Variants in FSTL5 observed in about 807,000 individuals in gnomAD.
The protein encoded by FSTL5 is follistatin-related protein 5.
In FSTL5, 62 loss-of-function variants were observed where a neutral mutation model predicts 89.1. That is an observed-to-expected ratio of 0.70 (90% confidence interval 0.57 to 0.86). FSTL5 has a LOEUF of 0.86. Ranked by LOEUF, FSTL5 falls within the 40% of genes least tolerant of loss-of-function variation. FSTL5 has a pLI of 0.00. For synonymous variants in FSTL5, 383 were observed against 346.2 expected (o/e 1.11, Z -1.18); for missense variants, 1,057 against 1,001.6 (o/e 1.06, Z -0.75).
At chr4:161,900,040 A>T (rs1733301973) in intron 4 of FSTL5, among the ~76,000 whole-genome samples, 1 of 152,028 alleles carries the variant, frequency 6.6e-6, no homozygotes, top group Admixed American at 6.6e-5. Flanking sequence ...CTAAAAATAC[A>T]AAAATTAGCC....
At position 161,481,137 on chromosome 4, in the gene FSTL5, T is replaced by C; in HGVS notation, c.1491A>G (p.Glu497=). ...DEVCPKAEGD[E]VQRCVWASAV... is the part of the protein sequence containing the mutation. ...CTGATGCCCACACACACCTCTGAAC[T>C]TCATCTCCCTCAGCTTTGGGACAGA... Residue 497 remains glutamate, a synonymous_variant, in exon 13 of 16, where the codon GAA becomes GAG. Coordinates refer to ENST00000306100, the MANE Select transcript of FSTL5 (RefSeq NM_020116.5). 1 of 1,610,448 alleles carries C rather than the reference T, an allele frequency of 6.2e-7. No individual in the cohort carries two copies. Among genetic ancestry groups the C allele is most frequent in the South Asian group, 1.1e-5 (1 of 90,290 alleles).
rs1193102072 is a variant in FSTL5 at position 161,755,317 on chromosome 4, G to T, written c.727+4094C>A. ...CTTATCTAATCCACAAAGAAAAAAGGTATTTTTGAAAAACACATTATGTCT... is the reference window on the plus strand; with the variant it reads ...CTTATCTAATCCACAAAGAAAAAAGTTATTTTTGAAAAACACATTATGTCT... On this transcript the variant is annotated intron_variant, in intron 6 of 15. Transcript: ENST00000306100. Among the ~76,000 whole-genome samples the T allele has an allele frequency of 2.0e-5, 3 of 151,890 alleles. No individual in the cohort carries two copies. In the East Asian group the frequency reaches 5.8e-4, roughly 29 times the overall value.
At chr4:161,470,512 C>G (rs1015744068) in intron 13 of FSTL5, among the ~76,000 whole-genome samples, 3 of 151,926 alleles carry the variant, frequency 2.0e-5, no homozygotes, top group Non-Finnish European at 4.4e-5. Flanking sequence ...AGTTTTGACA[C>G]AAGAAAATGA....
At chr4:161,857,306 G>A (rs887168609) in intron 4 of FSTL5, among the ~76,000 whole-genome samples, 3 of 152,160 alleles carry the variant, frequency 2.0e-5, no homozygotes, top group Admixed American at 6.5e-5. Flanking sequence ...CAGATTGCAC[G>A]TGAAATAGAA....
intron 7 of FSTL5, among the ~76,000 whole-genome samples, chr4:161,621,267 TACAC>T (rs146037793): frequency 0.3 from 43,805 of 145,962 alleles, 7,423 homozygotes; most frequent in Non-Finnish European, 0.39. Flanking sequence ...ATGTAAAGAC[TACAC>T]ACACACACAC....
intron 15 of FSTL5, among the ~76,000 whole-genome samples, chr4:161,427,759 A>G (rs946150712): frequency 2.0e-5 from 3 of 152,232 alleles, no homozygotes; most frequent in Non-Finnish European, 2.9e-5. Context: ...CATATTATGA[A>G]TGTGACAAAT....
chr4:161,951,410 A>T (rs1040931535), intron 3 of FSTL5, among the ~76,000 whole-genome samples: 5 of 152,098 alleles, frequency 3.3e-5, no homozygotes, highest in Non-Finnish European at 5.9e-5. Context: ...TTCTCTACTA[A>T]AAAATGTTTG....
intron 7 of FSTL5, among the ~76,000 whole-genome samples, chr4:161,631,989 T>C (rs886130377): frequency 6.6e-6 from 1 of 152,212 alleles, no homozygotes; most frequent in African/African-American, 2.4e-5. Flanking sequence ...ATTTGGTTCA[T>C]GTAAAATTTA....
intron 7 of FSTL5, among the ~76,000 whole-genome samples, chr4:161,631,197 A>G (rs778467954): frequency 6.6e-6 from 1 of 152,220 alleles, no homozygotes; most frequent in Non-Finnish European, 1.5e-5. Context: ...TACCTTCATA[A>G]CAAAGTCCCT....
At chr4:161,646,946 T>C (rs990192440) in intron 7 of FSTL5, among the ~76,000 whole-genome samples, 6 of 152,190 alleles carry the variant, frequency 3.9e-5, no homozygotes, top group Non-Finnish European at 8.8e-5. Flanking sequence ...TCTACTTCCA[T>C]ACATTGCCTC....
chr4:161,643,812 C>T (rs955154350), intron 7 of FSTL5, among the ~76,000 whole-genome samples: 14 of 152,108 alleles, frequency 9.2e-5, no homozygotes, highest in African/African-American at 3.4e-4. Flanking sequence ...GATAATTCTG[C>T]ATGTGGCTAC....
chr4:162,124,312 T>C (rs1046290306), intron 1 of FSTL5, among the ~76,000 whole-genome samples: 8 of 152,158 alleles, frequency 5.3e-5, no homozygotes, highest in East Asian at 1.9e-4. Context: ...AATTTAGTAG[T>C]ATCATCCAAC....
intron 7 of FSTL5, among the ~76,000 whole-genome samples, chr4:161,621,489 C>T (rs921089999): frequency 5.3e-5 from 8 of 152,002 alleles, no homozygotes; most frequent in African/African-American, 1.2e-4. Flanking sequence ...GATCTCCTCT[C>T]AACAAAGTTT....
chr4:161,611,354 C>T (rs1311744252), intron 7 of FSTL5, among the ~76,000 whole-genome samples: 2 of 148,932 alleles, frequency 1.3e-5, no homozygotes, highest in Admixed American at 6.8e-5. Flanking sequence ...TCAAGAAAAT[C>T]GAGATATTTT....
intron 3 of FSTL5, among the ~76,000 whole-genome samples, chr4:161,926,158 T>C (rs894912735): frequency 1.3e-5 from 2 of 151,808 alleles, no homozygotes; most frequent in African/African-American, 4.8e-5. Context: ...TTGAGCACAG[T>C]ATAATCTTTT....
chr4:161,571,687 T>C (rs1454886061), intron 8 of FSTL5, among the ~76,000 whole-genome samples: 1 of 152,158 alleles, frequency 6.6e-6, no homozygotes, highest in Non-Finnish European at 1.5e-5. Flanking sequence ...GGATACAGTC[T>C]TCAGAAACAT....
At chr4:161,939,737 C>T (rs17041777) in intron 3 of FSTL5, among the ~76,000 whole-genome samples, 1,573 of 152,032 alleles carry the variant, frequency 0.01, 22 homozygotes, top group African/African-American at 0.035. Context: ...CAAGCACTAA[C>T]ATGAGGATAA....
At chr4:161,520,112 T>C (rs928661478) in intron 10 of FSTL5, among the ~76,000 whole-genome samples, 2 of 152,078 alleles carry the variant, frequency 1.3e-5, no homozygotes, top group Non-Finnish European at 2.9e-5. Context: ...CTCCTTATCA[T>C]TGCAGAGAAC....
intron 6 of FSTL5, among the ~76,000 whole-genome samples, chr4:161,686,204 C>T (rs1406942405): frequency 6.8e-6 from 1 of 147,540 alleles, no homozygotes; most frequent in Non-Finnish European, 1.5e-5. Context: ...GGATATTGGT[C>T]TGTAGTTTTC....
Sources: gnomAD v4.1 joint callset for allele counts (sites outside exome capture counted in the v4.1 genomes callset) on GRCh38, gnomAD v4.1.1 for gene constraint, MANE v1.5 for transcripts, NCBI Gene and HGNC (gene_info 2026-07-23, HGNC 2026-07-21) for gene names.